CCSER1: variants seen among roughly 807,000 people sequenced by gnomAD.
CCSER1 encodes serine-rich coiled-coil domain-containing protein 1.
CCSER1 carries 41 observed loss-of-function variants against 82.0 expected under a neutral mutation model. The ratio of observed to expected loss-of-function variants is 0.50; its 90% CI spans 0.39 to 0.65. CCSER1 has a LOEUF of 0.65. Among genes scored for constraint, CCSER1 ranks in the 30% least tolerant of loss-of-function variants. The pLI, the probability that CCSER1 is intolerant of heterozygous loss-of-function variation, is 0.00. For synonymous variants in CCSER1, 414 were observed against 383.9 expected, an observed-to-expected ratio of 1.08 and a Z score of -0.92; for missense variants, 1,119 against 1,064.2, an observed-to-expected ratio of 1.05 and a Z score of -0.72.
At chr4:90,374,904 A>G (rs997074294) in intron 3 of CCSER1, among the ~76,000 whole-genome samples, 4 of 152,178 alleles carry the variant, frequency 2.6e-5, no homozygotes, top group Admixed American at 2.6e-4. Flanking sequence ...GTTAAAGTAT[A>G]TCCAGTGGAA....
chr4:91,347,331 C>T (rs1165271969), intron 10 of CCSER1, among the ~76,000 whole-genome samples: 1 of 152,050 alleles, frequency 6.6e-6, no homozygotes. Context: ...TTGTCTTTTA[C>T]TTCATCAACC....
intron 1 of CCSER1, among the ~76,000 whole-genome samples, chr4:90,304,187 T>C (rs9684963): frequency 0.056 from 8,484 of 152,254 alleles, 714 homozygotes; most frequent in African/African-American, 0.19. Context: ...GGAACACTTT[T>C]ACACTGTTGG....
At chr4:91,049,378 AT>A (rs1350472510) in intron 9 of CCSER1, among the ~76,000 whole-genome samples, 1 of 152,194 alleles carries the variant, frequency 6.6e-6, no homozygotes, top group Non-Finnish European at 1.5e-5. Flanking sequence ...CCAAAAATTA[AT>A]TTACTGAGTG....
chr4:90,921,791 A>G (rs1728419635), intron 8 of CCSER1, among the ~76,000 whole-genome samples: 1 of 152,024 alleles, frequency 6.6e-6, no homozygotes, highest in South Asian at 2.1e-4. Flanking sequence ...CCGATTTGCA[A>G]CAAAATTTAC....
At position 90,709,305 on chromosome 4, in the gene CCSER1, G is replaced by T. The variant is rs976368495; in HGVS notation, c.1933-14609G>T. ...TTCAACTTTTACTTTGAGTTCAGGG[G>T]TACATGTGCAGGGTGTGCAGGTTTG... On this transcript the variant is annotated intron_variant, in intron 6 of 10. Transcript: ENST00000509176. Among the ~76,000 whole-genome samples the T allele has an allele frequency of 8.5e-5, 13 of 152,110 alleles. No individual in the cohort carries two copies. The East Asian group carries it at 2.5e-3, about 29-fold the overall frequency.
intron 7 of CCSER1, among the ~76,000 whole-genome samples, chr4:90,802,794 A>T (rs1465363515): frequency 6.6e-6 from 1 of 152,152 alleles, no homozygotes; most frequent in Non-Finnish European, 1.5e-5. Context: ...GAATTATATG[A>T]GGTCACTTAT....
At chr4:91,441,993 C>A (rs1405194747) in intron 10 of CCSER1, among the ~76,000 whole-genome samples, 1 of 152,172 alleles carries the variant, frequency 6.6e-6, no homozygotes, top group East Asian at 1.9e-4. Flanking sequence ...AATGGAAGAA[C>A]ATTCCATGCT....
chr4:91,462,905 C>T (rs1421570195), intron 10 of CCSER1, among the ~76,000 whole-genome samples: 1 of 152,136 alleles, frequency 6.6e-6, no homozygotes, highest in Admixed American at 6.5e-5. Flanking sequence ...GGAGGCCTGC[C>T]TACCTCTGAG....
chr4:91,037,869 A>G (rs1224141333), intron 9 of CCSER1, among the ~76,000 whole-genome samples: 1 of 152,242 alleles, frequency 6.6e-6, no homozygotes, highest in South Asian at 2.1e-4. Context: ...TAATGAATCA[A>G]TTTTTCTGAA....
intron 1 of CCSER1, among the ~76,000 whole-genome samples, chr4:90,236,615 G>A (rs974212776): frequency 6.6e-6 from 1 of 152,108 alleles, no homozygotes; most frequent in Non-Finnish European, 1.5e-5. Flanking sequence ...ATGGGGATTG[G>A]TAAATAATAT....
intron 7 of CCSER1, among the ~76,000 whole-genome samples, chr4:90,756,181 T>C (rs72661899): frequency 0.26 from 39,617 of 152,058 alleles, 5,865 homozygotes; most frequent in East Asian, 0.34. Flanking sequence ...TGAGCTGAGA[T>C]CGTTCTACTG....
chr4:90,261,578 G>T (rs1724342254), intron 1 of CCSER1, among the ~76,000 whole-genome samples: 1 of 152,070 alleles, frequency 6.6e-6, no homozygotes, highest in Non-Finnish European at 1.5e-5. Flanking sequence ...TATGTACCTT[G>T]GTGATGATCT....
In CCSER1 at chr4:91,138,907, G is replaced by A. The variant is rs967832902; in HGVS notation, c.2217+52913G>A. Among the ~76,000 whole-genome samples the A allele has an allele frequency of 6.6e-5, 10 of 152,172 alleles. No homozygotes were observed. The East Asian group carries it at 1.9e-3, about 29-fold the overall frequency. ...AGTTCTACCTTTATTTTAGATTCTG[G>A]GGTTACATTGCAGGTTTGTTACATG... On this transcript the variant is annotated intron_variant, in intron 10 of 10. Transcript: ENST00000509176.
chr4:91,448,524 T>C (rs554570904), intron 10 of CCSER1, among the ~76,000 whole-genome samples: 1 of 152,222 alleles, frequency 6.6e-6, no homozygotes, highest in African/African-American at 2.4e-5. Flanking sequence ...GTGTGTGGTC[T>C]TAGATAGAGT....
chr4:91,246,827 T>TACACACATAC (rs1553916503), intron 10 of CCSER1, among the ~76,000 whole-genome samples: 61 of 144,172 alleles, frequency 4.2e-4, no homozygotes, highest in African/African-American at 1.5e-3. Flanking sequence ...CATACACACA[T>TACACACATAC]ACACACACAC....
intron 5 of CCSER1, among the ~76,000 whole-genome samples, chr4:90,498,053 G>A (rs1022310971): frequency 6.6e-6 from 1 of 151,352 alleles, no homozygotes; most frequent in South Asian, 2.1e-4. Context: ...TTTGGTTCTA[G>A]TAATCCCCAC....
rs748356365 is a variant in CCSER1, at chr4:91,598,714, G to A, written c.2360G>A (p.Ser787Asn). ...AAAAACAAGACCTGTCAACTCCCAA[G>A]TCTCTGTTTAAGTAATTTCCTGAAG... ...PYKNKTCQLP[S>N]LCLSNFLKDK... Residue 787 changes from serine to asparagine, a missense_variant, in exon 11 of 11, where the codon AGT becomes AAT. Physicochemically the swap from Ser to Asn is conservative, Grantham distance 46 (BLOSUM62 1). Coordinates refer to ENST00000509176, the MANE Select transcript of CCSER1 (RefSeq NM_001145065.2). 2 of 1,551,396 alleles carry A rather than the reference G, an allele frequency of 1.3e-6. No individual in the cohort carries two copies. The highest frequency in any genetic ancestry group is 2.4e-5 in the South Asian group (2 of 84,060).
rs1751852209 is a variant in CCSER1 at position 90,395,713 on chromosome 4, G to C, written c.1510-4323G>C. On this transcript the variant is annotated intron_variant, in intron 3 of 10. Coordinates refer to ENST00000509176, the MANE Select transcript of CCSER1 (RefSeq NM_001145065.2). Reference sequence around the variant, plus strand: ...CACCTTTTAATTTTGTGTAATATGGGTGTCCTCTCACAAAATGATTTTCTT... The same window carrying C: ...CACCTTTTAATTTTGTGTAATATGGCTGTCCTCTCACAAAATGATTTTCTT... Among the ~76,000 whole-genome samples the C allele has an allele frequency of 1.3e-5, 2 of 150,704 alleles. 1 individual carries two copies. Among genetic ancestry groups the C allele is most frequent in the Admixed American group, 1.3e-4 (2 of 15,120 alleles).
At chr4:91,264,612 A>C (rs1412549519) in intron 10 of CCSER1, among the ~76,000 whole-genome samples, 1 of 152,044 alleles carries the variant, frequency 6.6e-6, no homozygotes, top group African/African-American at 2.4e-5. Flanking sequence ...TATAAAGCAT[A>C]ATGAATTTTT....
Sources: gnomAD v4.1 joint callset for allele counts (sites outside exome capture counted in the v4.1 genomes callset) on GRCh38, gnomAD v4.1.1 for gene constraint, MANE v1.5 for transcripts, NCBI Gene and HGNC (gene_info 2026-07-23, HGNC 2026-07-21) for gene names.